The following RFX8 variants were observed in gnomAD, a reference collection of about 807,000 sequenced individuals.
RFX8 encodes regulatory factor X8.
RFX8 carries 46 observed loss-of-function variants against 54.6 expected under a neutral mutation model. That is an observed-to-expected ratio of 0.84 (90% CI 0.67 to 1.08). The LOEUF (loss-of-function observed/expected upper bound fraction) is 1.08, where lower values mean the gene tolerates loss of function less well. Among genes scored for constraint, RFX8 ranks in the 50% least tolerant of loss-of-function variants. RFX8 has a pLI of 0.00. For missense variants in RFX8, 536 were observed against 562.3 expected (o/e 0.95, Z 0.47); for synonymous variants, 192 against 209.5 (o/e 0.92, Z 0.72).
At chr2:101,465,343 A>T (rs1185796795) in intron 2 of RFX8, among the ~76,000 whole-genome samples, 1 of 152,056 alleles carries the variant, frequency 6.6e-6, no homozygotes, top group African/African-American at 2.4e-5. Flanking sequence ...AGTCTCTACT[A>T]AAATAAAATA....
chr2:101,403,191 C>A (rs371596930), intron 10 of RFX8, among the ~76,000 whole-genome samples: 1 of 152,126 alleles, frequency 6.6e-6, no homozygotes, highest in Non-Finnish European at 1.5e-5. Flanking sequence ...TGAAACGTAG[C>A]GCCTTGCCCC....
At chr2:101,469,093 A>AT (rs1558896874) in intron 1 of RFX8, among the ~76,000 whole-genome samples, 1 of 15,312 alleles carries the variant, frequency 6.5e-5, no homozygotes. Flanking sequence ...TATATATATA[A>AT]GTATATATAT....
chr2:101,406,647 C>G (rs1038634125), intron 9 of RFX8, among the ~76,000 whole-genome samples: 1 of 152,116 alleles, frequency 6.6e-6, no homozygotes, highest in Non-Finnish European at 1.5e-5. Flanking sequence ...CAGCACCACA[C>G]AGTTTTTAAA....
At chr2:101,466,735 T>C (rs949518561) in intron 2 of RFX8, 42 bp downstream of exon 2, 23 of 1,369,004 alleles carry the variant, frequency 1.7e-5, no homozygotes, top group African/African-American at 2.9e-5. Context: ...TTCCCTTTTT[T>C]GCACTCAGTG....
At chr2:101,456,846 A>G (rs1211252815) in intron 2 of RFX8, among the ~76,000 whole-genome samples, 1 of 151,994 alleles carries the variant, frequency 6.6e-6, no homozygotes, top group African/African-American at 2.4e-5. Flanking sequence ...CTGGTTCTGG[A>G]CTTTTTTTGG....
In RFX8 at chr2:101,424,134, C is replaced by T. The variant is rs62152836; in HGVS notation, c.73-1662G>A. 6.6e-3 allele frequency among the ~76,000 whole-genome samples: 1,010 copies of T among 152,264 alleles called. 7 individuals are homozygous for T. The highest frequency in any genetic ancestry group is 9.9e-3 in the Non-Finnish European group (676 of 68,032). ...ACATAAAGCAGGAACACAGAGGGGA[C>T]AGCTCAAAGGGGTCTCTCTATTGGG... is the stretch of plus-strand genomic sequence containing the variant. On this transcript the variant is annotated intron_variant, in intron 2 of 11. Coordinates refer to ENST00000428343, the MANE Select transcript of RFX8 (RefSeq NM_001145664.2).
At chr2:101,436,777 CA>C (rs1443796567) in intron 2 of RFX8, among the ~76,000 whole-genome samples, 1 of 152,194 alleles carries the variant, frequency 6.6e-6, no homozygotes, top group Non-Finnish European at 1.5e-5. Context: ...TGACCACCTC[CA>C]GGGGGGCAGC....
Position 101,436,106 on chromosome 2 carries a change from G to A in RFX8, c.73-13634C>T, listed in dbSNP as rs188696701. ...CCTCCCCAGCAGACGGGTGTGGAGG[G>A]AGGAGCGGGATGTGCAGGTTCAGGG... On this transcript the variant is annotated intron_variant, in intron 2 of 11. Transcript: ENST00000428343. Among the ~76,000 whole-genome samples the A allele has an allele frequency of 1.9e-4, 29 of 152,284 alleles. No homozygotes were observed. In the East Asian group the frequency reaches 3.5e-3, roughly 18 times the overall value.
intron 2 of RFX8, among the ~76,000 whole-genome samples, chr2:101,425,039 G>GAA (rs70943082): frequency 1.1e-3 from 164 of 149,612 alleles, no homozygotes; most frequent in Middle Eastern, 3.4e-3. Flanking sequence ...ATTTGAAACA[G>GAA]AAAAAAAAAA....
intron 2 of RFX8, chr2:101,450,676 G>C: frequency 1.4e-6 from 2 of 1,469,584 alleles, no homozygotes; most frequent in Non-Finnish European, 1.8e-6. Flanking sequence ...CCATCATAAT[G>C]ATACCTGGAA....
At chr2:101,451,359 A>C (rs1411567119) in intron 2 of RFX8, among the ~76,000 whole-genome samples, 1 of 152,096 alleles carries the variant, frequency 6.6e-6, no homozygotes, top group Non-Finnish European at 1.5e-5. Context: ...GACACAAGGC[A>C]CTCGATAATA....
chr2:101,412,196 C>T (rs74657677), intron 8 of RFX8, among the ~76,000 whole-genome samples: 1,636 of 152,220 alleles, frequency 0.011, 42 homozygotes, highest in African/African-American at 0.038. Context: ...CATAGGAGGG[C>T]CTAGAGATGC....
intron 9 of RFX8, among the ~76,000 whole-genome samples, chr2:101,408,788 G>T (rs1573360086): frequency 6.6e-6 from 1 of 152,332 alleles, no homozygotes; most frequent in East Asian, 1.9e-4. Flanking sequence ...GATTTTTCTG[G>T]TTCATGTCTA....
chr2:101,458,200 G>A (rs568952399), intron 2 of RFX8, among the ~76,000 whole-genome samples: 1 of 152,224 alleles, frequency 6.6e-6, no homozygotes, highest in East Asian at 1.9e-4. Flanking sequence ...GGGGCATTTA[G>A]TCCATTTACA....
At chr2:101,454,419 G>A (rs1211996124) in intron 2 of RFX8, among the ~76,000 whole-genome samples, 1 of 152,174 alleles carries the variant, frequency 6.6e-6, no homozygotes, top group Non-Finnish European at 1.5e-5. Context: ...CCCAGTAATG[G>A]GATCGCTGGG....
In RFX8 at chr2:101,414,841, G is replaced by T; in HGVS notation, c.561+13C>A. 6.5e-7 allele frequency: 1 copy of T among 1,543,772 alleles called. No homozygotes were observed. The highest frequency in any genetic ancestry group is 1.2e-5 in the South Asian group (1 of 83,886). On this transcript the variant is annotated intron_variant, in intron 7 of 11. Coordinates refer to ENST00000428343, the MANE Select transcript of RFX8 (RefSeq NM_001145664.2). ...CTGCTTTGTTCCCTCCTATCTGCTT[G>T]GCTGAAGCCTACCTTAGCCATGTTG...
At chr2:101,414,706 C>T (rs1406421322) in intron 7 of RFX8, 148 bp downstream of exon 7, 18 of 578,380 alleles carry the variant, frequency 3.1e-5, no homozygotes, top group South Asian at 8.8e-5. Context: ...ACCTGGACTC[C>T]TCTGCCAATG....
At chr2:101,437,761 T>G (rs1558869175) in intron 2 of RFX8, among the ~76,000 whole-genome samples, 1 of 62,592 alleles carries the variant, frequency 1.6e-5, no homozygotes, top group Non-Finnish European at 5.0e-5. Context: ...TACACTCTGC[T>G]GATCTTAAAT....
chr2:101,417,010 T>G (rs1686558369), intron 6 of RFX8, among the ~76,000 whole-genome samples: 1 of 152,132 alleles, frequency 6.6e-6, no homozygotes, highest in African/African-American at 2.4e-5. Flanking sequence ...AAGTCCATGT[T>G]ATTATTCAAA....
Sources: allele counts gnomAD v4.1 joint callset (sites outside exome capture counted in the v4.1 genomes callset), GRCh38; gene constraint gnomAD v4.1.1; transcripts MANE v1.5; gene names NCBI Gene and HGNC (gene_info 2026-07-23, HGNC 2026-07-21).